Variants in ERC2 observed in about 807,000 individuals in gnomAD.
ERC2 encodes ERC protein 2.
ERC2 carries 42 observed loss-of-function variants against 114.8 expected under a neutral mutation model. That is an observed-to-expected ratio of 0.37 (90% confidence interval 0.29 to 0.47). The LOEUF (loss-of-function observed/expected upper bound fraction) is 0.47, where lower values mean the gene tolerates loss of function less well. Ranked by LOEUF, ERC2 falls within the 20% of genes least tolerant of loss-of-function variation. The pLI is 0.99. For missense variants in ERC2, 939 were observed against 1,150.7 expected (o/e 0.82, Z 2.66); for synonymous variants, 454 against 425.5 (o/e 1.07, Z -0.82).
intron 17 of ERC2, among the ~76,000 whole-genome samples, chr3:55,598,019 G>A (rs548969778): frequency 9.2e-5 from 14 of 152,338 alleles, no homozygotes; most frequent in African/African-American, 3.4e-4. Flanking sequence ...GCTAACGACA[G>A]AGCCTGATTT....
At chr3:56,010,359 C>A in intron 9 of ERC2, 90 bp downstream of exon 9, 1 of 1,427,868 alleles carries the variant, frequency 7.0e-7, no homozygotes, top group Non-Finnish European at 9.5e-7. Flanking sequence ...TCATACAGTG[C>A]CTCCTACTAA....
intron 14 of ERC2, among the ~76,000 whole-genome samples, chr3:55,844,944 G>C (rs2061285416): frequency 6.6e-6 from 1 of 152,140 alleles, no homozygotes. Flanking sequence ...GACCAGTGAG[G>C]GGGTAGTTTC....
chr3:55,666,215 G>A (rs1297723132), intron 17 of ERC2, among the ~76,000 whole-genome samples: 1 of 152,162 alleles, frequency 6.6e-6, no homozygotes, highest in African/African-American at 2.4e-5. Context: ...TCCAGCAGGA[G>A]CTCTCAATCA....
At chr3:56,338,391 T>C (rs1414936717) in intron 2 of ERC2, among the ~76,000 whole-genome samples, 1 of 152,232 alleles carries the variant, frequency 6.6e-6, no homozygotes, top group East Asian at 1.9e-4. Context: ...CTGTGGTCTA[T>C]GCAGTTAGCT....
chr3:55,765,208 T>C (rs1392359101), intron 14 of ERC2, among the ~76,000 whole-genome samples: 2 of 152,220 alleles, frequency 1.3e-5, no homozygotes, highest in Non-Finnish European at 2.9e-5. Context: ...CCAGGGCCCA[T>C]ATGTGACTGT....
At chr3:56,453,214 C>T (rs1309974955) in intron 1 of ERC2, among the ~76,000 whole-genome samples, 4 of 152,184 alleles carry the variant, frequency 2.6e-5, no homozygotes, top group Non-Finnish European at 4.4e-5. Context: ...CTTGTTTTGG[C>T]CAATGAAATG....
At chr3:55,542,287 G>C (rs758140851) in intron 17 of ERC2, among the ~76,000 whole-genome samples, 12 of 152,158 alleles carry the variant, frequency 7.9e-5, no homozygotes, top group Non-Finnish European at 1.8e-4. Flanking sequence ...TCAAAAATGG[G>C]AACATTGCCC....
intron 17 of ERC2, among the ~76,000 whole-genome samples, chr3:55,549,930 AAGAGAG>A (rs372694701): frequency 3.1e-4 from 29 of 94,124 alleles, no homozygotes; most frequent in African/African-American, 8.5e-4. Flanking sequence ...CGACACACAC[AAGAGAG>A]AGAGAGAGAG....
chr3:55,555,568 G>C (rs1018057989), intron 17 of ERC2, among the ~76,000 whole-genome samples: 1 of 152,212 alleles, frequency 6.6e-6, no homozygotes, highest in Admixed American at 6.5e-5. Context: ...AAAAGCAGAA[G>C]TTGTAGAGTC....
intron 2 of ERC2, among the ~76,000 whole-genome samples, chr3:56,370,614 A>C (rs1202990282): frequency 1.1e-5 from 1 of 87,232 alleles, no homozygotes; most frequent in East Asian, 3.0e-4. Flanking sequence ...TTTTTTTTTG[A>C]GACAGAGTCT....
intron 13 of ERC2, among the ~76,000 whole-genome samples, chr3:55,916,099 C>T (rs901791259): frequency 7.9e-5 from 12 of 152,086 alleles, no homozygotes; most frequent in Non-Finnish European, 1.8e-4. Context: ...GAGAGGAGTG[C>T]TAAGTCCTTC....
At chr3:55,664,882 A>G (rs1169939562) in intron 17 of ERC2, among the ~76,000 whole-genome samples, 2 of 152,166 alleles carry the variant, frequency 1.3e-5, no homozygotes, top group African/African-American at 4.8e-5. Flanking sequence ...TCTGCATTTG[A>G]TGGAGAGAGG....
intron 17 of ERC2, among the ~76,000 whole-genome samples, chr3:55,640,016 A>G (rs1344006752): frequency 6.6e-6 from 1 of 152,158 alleles, no homozygotes; most frequent in Non-Finnish European, 1.5e-5. Context: ...TCAATGTCGG[A>G]GGGAGCAGCT....
intron 7 of ERC2, among the ~76,000 whole-genome samples, chr3:56,051,826 AACACAC>A (rs370057271): frequency 0.45 from 58,175 of 129,564 alleles, 14,038 homozygotes; most frequent in Non-Finnish European, 0.55. Context: ...CTCCATCTCA[AACACAC>A]ACACACACAC....
At chr3:55,868,816 A>G (rs1186926963) in intron 14 of ERC2, among the ~76,000 whole-genome samples, 1 of 152,182 alleles carries the variant, frequency 6.6e-6, no homozygotes, top group Non-Finnish European at 1.5e-5. Context: ...TTGAAATAAG[A>G]AAACATTAGA....
chr3:55,661,126 C>T (rs1181989323), intron 17 of ERC2, among the ~76,000 whole-genome samples: 1 of 152,212 alleles, frequency 6.6e-6, no homozygotes, highest in African/African-American at 2.4e-5. Context: ...AACACATTAC[C>T]ACACACTTAG....
intron 3 of ERC2, among the ~76,000 whole-genome samples, chr3:56,257,348 A>C (rs2052591214): frequency 6.6e-6 from 1 of 152,208 alleles, no homozygotes; most frequent in African/African-American, 2.4e-5. Flanking sequence ...TTGGTTTATA[A>C]TACACATTAA....
At chr3:56,325,875 G>A (rs747084161) in intron 2 of ERC2, among the ~76,000 whole-genome samples, 4 of 152,126 alleles carry the variant, frequency 2.6e-5, no homozygotes, top group African/African-American at 7.2e-5. Flanking sequence ...GTCTGGCTCC[G>A]GAACCCAAGC....
Position 55,950,751 on chromosome 3 carries a change from G to A in ERC2, c.2268-191C>T, listed in dbSNP as rs139322301. On this transcript the variant is annotated intron_variant, in intron 12 of 17. Transcript: ENST00000288221. ...TCCACTTAATACCAGGTCCCAGGAC[G>A]GCACTGGGGCTGCAGTGGCAAATGG... is the stretch of plus-strand genomic sequence containing the variant. 3.4e-3 allele frequency among the ~76,000 whole-genome samples: 522 copies of A among 152,306 alleles called. 1 individual carries two copies. Among genetic ancestry groups the A allele is most frequent in the Non-Finnish European group, 5.7e-3 (389 of 68,032 alleles).
Sources: gnomAD v4.1 joint callset for allele counts (sites outside exome capture counted in the v4.1 genomes callset) on GRCh38, gnomAD v4.1.1 for gene constraint, MANE v1.5 for transcripts, NCBI Gene and HGNC (gene_info 2026-07-23, HGNC 2026-07-21) for gene names.